Variants in CHST15 observed in about 807,000 individuals in gnomAD.
CHST15 encodes B cell RAG associated protein (GALNAC4S-6ST).
CHST15 carries 30 observed loss-of-function variants against 53.6 expected under a neutral mutation model. The ratio of observed to expected loss-of-function variants is 0.56; its 90% CI spans 0.42 to 0.76. The LOEUF (loss-of-function observed/expected upper bound fraction) is 0.76, where lower values mean the gene tolerates loss of function less well. Ranked by LOEUF, CHST15 falls within the 30% of genes least tolerant of loss-of-function variation. The probability of loss-of-function intolerance (pLI) is 0.00; values close to 1 mark genes in which losing one functional copy is unlikely to be tolerated. For missense variants in CHST15, 627 were observed against 740.5 expected (o/e 0.85, Z 1.78); for synonymous variants, 296 against 289.8 (o/e 1.02, Z -0.22).
intron 5 of CHST15, among the ~76,000 whole-genome samples, chr10:124,034,784 G>A (rs1197827351): frequency 7.2e-6 from 1 of 138,308 alleles, no homozygotes; most frequent in African/African-American, 2.8e-5. Flanking sequence ...CCCCTAACAG[G>A]GACGCCGGCT....
At chr10:124,014,709 C>T (rs1254339942) in intron 6 of CHST15, among the ~76,000 whole-genome samples, 4 of 152,180 alleles carry the variant, frequency 2.6e-5, no homozygotes, top group African/African-American at 7.2e-5. Context: ...TTCCAGAGGA[C>T]GTGCCTTTCA....
chr10:124,062,706 T>C (rs1284149376), intron 1 of CHST15, among the ~76,000 whole-genome samples: 1 of 152,020 alleles, frequency 6.6e-6, no homozygotes, highest in Non-Finnish European at 1.5e-5. Context: ...GCCTGGTGTA[T>C]AAAGACCCAG....
At chr10:124,088,352 G>T (rs1752253553) in intron 1 of CHST15, among the ~76,000 whole-genome samples, 1 of 152,232 alleles carries the variant, frequency 6.6e-6, no homozygotes, top group African/African-American at 2.4e-5. Flanking sequence ...GCTCTGTGCT[G>T]AGCGCTGGCT....
chr10:124,034,537 G>A (rs1947347890), intron 5 of CHST15, among the ~76,000 whole-genome samples: 1 of 151,006 alleles, frequency 6.6e-6, no homozygotes, highest in South Asian at 2.1e-4. Context: ...CCCTAACAGG[G>A]ACCCTGGCTT....
intron 1 of CHST15, among the ~76,000 whole-genome samples, chr10:124,049,230 A>G (rs1170719715): frequency 6.6e-6 from 1 of 152,204 alleles, no homozygotes; most frequent in Non-Finnish European, 1.5e-5. Context: ...GTGATGTGGA[A>G]ATAAGAGATG....
intron 6 of CHST15, chr10:124,020,627 G>C: frequency 1.0e-6 from 1 of 987,828 alleles, no homozygotes; most frequent in Non-Finnish European, 1.2e-6. Flanking sequence ...AACACGCAGC[G>C]GCAATGCTCG....
In CHST15 at chr10:124,021,367, C is replaced by G; in HGVS notation, c.1236G>C (p.Ala412=). 5 of 1,613,950 alleles carry G rather than the reference C, an allele frequency of 3.1e-6. No individual in the cohort carries two copies. Among genetic ancestry groups the G allele is most frequent in the Non-Finnish European group, 3.4e-6 (4 of 1,179,966 alleles). The part of the protein sequence containing the change: ...YLYFASSNKS[A]DDFHEKVTEA... ...CTGTCACTTTCTCATGGAAGTCGTC[C>G]GCGGATTTATTCGAACTTGCAAAGT... Residue 412 remains alanine, a synonymous_variant, in exon 6 of 8, where the codon GCG becomes GCC. Transcript: ENST00000435907.
At chr10:124,040,643 G>A (rs896846242) in intron 4 of CHST15, among the ~76,000 whole-genome samples, 6 of 152,198 alleles carry the variant, frequency 3.9e-5, no homozygotes, top group African/African-American at 1.2e-4. Context: ...TTTCAGAGCT[G>A]GAAGGAGTCT....
In CHST15 at chr10:124,044,803, G is replaced by A. The variant is rs975312065; in HGVS notation, c.663C>T (p.Tyr221=). ...CGAAGGTGGAGCGGAAGCGCTTGGA[G>A]TAGAGCACGTAGGAGTTGGTGAGGT... ...DPYLTNSYVL[Y]SKRFRSTFDA... Residue 221 remains tyrosine (Y), a synonymous_variant, in exon 3 of 8, where the codon TAC becomes TAT. Transcript: ENST00000435907. 6 of 1,602,270 alleles carry A rather than the reference G, an allele frequency of 3.7e-6. No individual in the cohort carries two copies. Among genetic ancestry groups the A allele is most frequent in the Non-Finnish European group, 4.3e-6 (5 of 1,173,148 alleles).
At position 124,024,506 on chromosome 10, in the gene CHST15, TG is replaced by T. The variant is rs1946920735; in HGVS notation, c.1191-3095del. On this transcript the variant is annotated intron_variant, in intron 5 of 7. Transcript: ENST00000435907. This position sits in a 1 kb window ranked among gnomAD's most constrained non-coding sequence, Gnocchi z 4.0. The stretch of plus-strand genomic sequence containing the variant: ...TCTACCACAGCCTGGCCAGCCAAAC[TG>T]TCCAAAGAGACAGTCAGCAAAGGGG... Among the ~76,000 whole-genome samples the T allele has an allele frequency of 6.6e-6, 1 of 152,122 alleles. No homozygotes were observed. The highest frequency in any genetic ancestry group is 1.5e-5 in the Non-Finnish European group (1 of 68,024).
At chr10:124,043,041 G>C (rs967217217) in intron 3 of CHST15, among the ~76,000 whole-genome samples, 1 of 152,036 alleles carries the variant, frequency 6.6e-6, no homozygotes, top group African/African-American at 2.4e-5. Flanking sequence ...TTCTGGCATC[G>C]GCCACATACA....
chr10:124,020,781 G>A (rs1946749493), intron 6 of CHST15: 1 of 1,095,760 alleles, frequency 9.1e-7, no homozygotes, highest in African/African-American at 1.6e-5. Context: ...TAGTTCTGAA[G>A]GAAGAACAAG....
At chr10:124,081,325 C>G (rs1178392555) in intron 1 of CHST15, among the ~76,000 whole-genome samples, 1 of 152,072 alleles carries the variant, frequency 6.6e-6, no homozygotes, top group Admixed American at 6.5e-5. Context: ...AAGAGCTTAA[C>G]GAATCCAGGT....
At chr10:124,041,840 G>C (rs1947753107) in intron 4 of CHST15, among the ~76,000 whole-genome samples, 1 of 152,228 alleles carries the variant, frequency 6.6e-6, no homozygotes, top group Non-Finnish European at 1.5e-5. Context: ...CGATGTGTCA[G>C]AGCTGAGTCT....
chr10:124,021,204 G>A, intron 6 of CHST15, 52 bp downstream of exon 6: 7 of 1,216,246 alleles, frequency 5.8e-6, no homozygotes, highest in Non-Finnish European at 7.7e-6. Context: ...CAACAAACCA[G>A]CTCCTTCTGC....
At chr10:124,017,878 T>C (rs1047770407) in intron 6 of CHST15, among the ~76,000 whole-genome samples, 17 of 152,228 alleles carry the variant, frequency 1.1e-4, no homozygotes, top group African/African-American at 3.6e-4. Context: ...ATCCGTACTC[T>C]GACCAGCACA....
intron 5 of CHST15, among the ~76,000 whole-genome samples, chr10:124,034,000 G>A (rs1197612260): frequency 2.0e-5 from 3 of 152,196 alleles, no homozygotes; most frequent in Non-Finnish European, 4.4e-5. Flanking sequence ...CCTAACACAC[G>A]CTGCTGCCCT....
Position 124,010,514 on chromosome 10 carries a change from T to C in CHST15, c.1496-175A>G, listed in dbSNP as rs80256363. 5,400 of 985,422 alleles carry C rather than the reference T, an allele frequency of 5.5e-3. 131 individuals are homozygous for C. The African/African-American group carries it at 0.062, about 11-fold the overall frequency. The allele number at this position is 985,422 out of a possible 1,614,324, so 61.0% of individuals were successfully genotyped here. On this transcript the variant is annotated intron_variant, in intron 7 of 7. Transcript: ENST00000435907. The stretch of plus-strand genomic sequence containing the variant: ...TTTTGGAAGCACTGAGGGAGGAAGG[T>C]GGAAACACCATCAGGAAATTGCGAA...
chr10:124,037,187 G>C (rs568333147), intron 5 of CHST15, among the ~76,000 whole-genome samples: 1 of 152,288 alleles, frequency 6.6e-6, no homozygotes, highest in African/African-American at 2.4e-5. Flanking sequence ...GAGTGCATCT[G>C]CAAAGAAAGA....
Sources: gnomAD v4.1 joint callset for allele counts (sites outside exome capture counted in the v4.1 genomes callset) on GRCh38, gnomAD v4.1.1 for gene constraint, Gnocchi (gnomAD v3.1) non-coding constraint, MANE v1.5 for transcripts, NCBI Gene and HGNC (gene_info 2026-07-23, HGNC 2026-07-21) for gene names.